Variants in NEK7 observed in about 807,000 individuals in gnomAD.
NEK7 encodes the protein NIMA related kinase 7, also known as serine/threonine-protein kinase Nek7.
Under a neutral mutation model 44.6 loss-of-function variants are expected in NEK7, and 18 were observed. The observed-to-expected ratio is 0.40, with a 90% CI of 0.28 to 0.60. The LOEUF is 0.60. Ranked by LOEUF, NEK7 falls within the 20% of genes least tolerant of loss-of-function variation. The pLI is 0.38. For missense variants in NEK7, 256 were observed against 366.5 expected, an observed-to-expected ratio of 0.70 and a Z score of 2.46; for synonymous variants, 130 against 121.1, an observed-to-expected ratio of 1.07 and a Z score of -0.48.
intron 2 of NEK7, among the ~76,000 whole-genome samples, chr1:198,251,558 T>C (rs1306086016): frequency 6.6e-6 from 1 of 152,124 alleles, no homozygotes; most frequent in Non-Finnish European, 1.5e-5. Flanking sequence ...TTCAGAGCTG[T>C]TATTGGTTTA....
At chr1:198,285,837 G>A (rs1349247531) in intron 7 of NEK7, among the ~76,000 whole-genome samples, 1 of 151,854 alleles carries the variant, frequency 6.6e-6, no homozygotes, top group Non-Finnish European at 1.5e-5. Context: ...TTTTCTACTT[G>A]TTTATTTTTG....
At chr1:198,271,778 T>A (rs1653851431) in intron 5 of NEK7, among the ~76,000 whole-genome samples, 1 of 151,674 alleles carries the variant, frequency 6.6e-6, no homozygotes, top group African/African-American at 2.4e-5. Flanking sequence ...TTGTATGAGA[T>A]CATCACCTGT....
rs1666537885 is a variant in NEK7, at chr1:198,236,074, A to G, written c.57+3437A>G. Among the ~76,000 whole-genome samples, 3 of 152,184 alleles carry G rather than the reference A, an allele frequency of 2.0e-5. No individual in the cohort carries two copies. In the South Asian group the frequency reaches 6.2e-4, roughly 32 times the overall value. ...GGATGAAATAAAGTTTACCTTGAGT[A>G]GCATGTTCAGGGTAGTAATCAGGGT... On this transcript the variant is annotated intron_variant, in intron 2 of 9. Coordinates refer to ENST00000367385, the MANE Select transcript of NEK7 (RefSeq NM_133494.3).
intron 5 of NEK7, among the ~76,000 whole-genome samples, chr1:198,277,514 T>C (rs1344287232): frequency 6.6e-6 from 1 of 151,770 alleles, no homozygotes; most frequent in African/African-American, 2.4e-5. Context: ...TAATAAATTA[T>C]GATATTTCAA....
At chr1:198,231,606 T>C (rs1277074066) in intron 1 of NEK7, among the ~76,000 whole-genome samples, 2 of 151,806 alleles carry the variant, frequency 1.3e-5, no homozygotes, top group Non-Finnish European at 2.9e-5. Flanking sequence ...AAAGCATTAA[T>C]CATAAAGAAA....
chr1:198,246,009 A>G (rs2102904508), intron 2 of NEK7, among the ~76,000 whole-genome samples: 1 of 152,330 alleles, frequency 6.6e-6, no homozygotes, highest in South Asian at 2.1e-4. Flanking sequence ...GCTATTTCCT[A>G]AAAATAGTTC....
At chr1:198,158,130 C>T (rs1663973265) in intron 1 of NEK7, among the ~76,000 whole-genome samples, 1 of 152,130 alleles carries the variant, frequency 6.6e-6, no homozygotes, top group Non-Finnish European at 1.5e-5. Flanking sequence ...TGGGAGCGTA[C>T]TGGGGTCGCG....
intron 9 of NEK7, among the ~76,000 whole-genome samples, chr1:198,304,332 T>C (rs1395690790): frequency 6.6e-6 from 1 of 152,204 alleles, no homozygotes; most frequent in Non-Finnish European, 1.5e-5. Flanking sequence ...CCCAATTCAA[T>C]CACTAGTGAC....
chr1:198,177,363 A>G (rs929944438), intron 1 of NEK7, among the ~76,000 whole-genome samples: 1 of 152,162 alleles, frequency 6.6e-6, no homozygotes, highest in African/African-American at 2.4e-5. Context: ...TCAGAGACCT[A>G]ACAAAATCAA....
At chr1:198,260,602 T>C (rs2102943582) in intron 3 of NEK7, among the ~76,000 whole-genome samples, 1 of 152,154 alleles carries the variant, frequency 6.6e-6, no homozygotes, top group Admixed American at 6.6e-5. Context: ...TCTTCTTCTG[T>C]TATTTGATTA....
chr1:198,190,622 C>G (rs997481279), intron 1 of NEK7, among the ~76,000 whole-genome samples: 46 of 152,074 alleles, frequency 3.0e-4, no homozygotes, highest in African/African-American at 1.1e-3. Flanking sequence ...GTGACTCATT[C>G]TGGTCCTAGA....
At chr1:198,233,602 A>T (rs1202601103) in intron 2 of NEK7, among the ~76,000 whole-genome samples, 1 of 152,132 alleles carries the variant, frequency 6.6e-6, no homozygotes, top group Admixed American at 6.6e-5. Context: ...TCTATAGTCA[A>T]ATAGGTTTGA....
At chr1:198,177,367 A>G (rs1664632620) in intron 1 of NEK7, among the ~76,000 whole-genome samples, 1 of 152,142 alleles carries the variant, frequency 6.6e-6, no homozygotes, top group African/African-American at 2.4e-5. Context: ...AGACCTAACA[A>G]AATCAAAGCA....
At chr1:198,314,721 G>C (rs980159839) in intron 9 of NEK7, among the ~76,000 whole-genome samples, 40 of 152,296 alleles carry the variant, frequency 2.6e-4, no homozygotes, top group African/African-American at 8.4e-4. Context: ...CCCTGCAGGG[G>C]GGTGCCTCCC....
At chr1:198,297,010 C>A in intron 8 of NEK7, 117 bp from the exon 9 acceptor site, 3 of 620,608 alleles carry the variant, frequency 4.8e-6, no homozygotes, top group Non-Finnish European at 8.0e-6. Flanking sequence ...TCAAAATGCC[C>A]AGGTATCTCT....
chr1:198,264,644 G>T (rs1479902885), intron 5 of NEK7, among the ~76,000 whole-genome samples: 1 of 151,962 alleles, frequency 6.6e-6, no homozygotes, highest in Non-Finnish European at 1.5e-5. Flanking sequence ...AGTGGGATTT[G>T]CAGTCAGACC....
chr1:198,262,369 AT>A (rs1653504354), intron 3 of NEK7, among the ~76,000 whole-genome samples: 1 of 151,908 alleles, frequency 6.6e-6, no homozygotes, highest in Non-Finnish European at 1.5e-5. Flanking sequence ...TGTTCTCTTT[AT>A]CCATTTTTTA....
chr1:198,303,472 A>G (rs1400041427), intron 9 of NEK7, among the ~76,000 whole-genome samples: 1 of 152,032 alleles, frequency 6.6e-6, no homozygotes, highest in African/African-American at 2.4e-5. Context: ...CATGAAAAGA[A>G]CTGCTTTATG....
At chr1:198,263,898 A>G (rs1441072010) in intron 4 of NEK7, among the ~76,000 whole-genome samples, 1 of 151,972 alleles carries the variant, frequency 6.6e-6, no homozygotes, top group Non-Finnish European at 1.5e-5. Context: ...TAAACGTAAA[A>G]TATATTCTTT....
Sources: allele counts gnomAD v4.1 joint callset (sites outside exome capture counted in the v4.1 genomes callset), GRCh38; gene constraint gnomAD v4.1.1; transcripts MANE v1.5; gene names NCBI Gene and HGNC (gene_info 2026-07-23, HGNC 2026-07-21).